The following CTNNA3 variants were observed in gnomAD, a reference collection of about 807,000 sequenced individuals.
The protein encoded by CTNNA3 is catenin alpha 3, also known as catenin alpha-3.
A neutral mutation model predicts 95.7 loss-of-function variants in CTNNA3; 76 were observed. The ratio of observed to expected loss-of-function variants is 0.79; its 90% CI spans 0.66 to 0.96. The LOEUF is 0.96. Among genes scored for constraint, CTNNA3 ranks in the 40% least tolerant of loss-of-function variants. The pLI is 0.00. For missense variants in CTNNA3, 1,191 were observed against 1,089.8 expected, an observed-to-expected ratio of 1.09 and a Z score of -1.31; for synonymous variants, 431 against 374.4, an observed-to-expected ratio of 1.15 and a Z score of -1.74.
intron 13 of CTNNA3, among the ~76,000 whole-genome samples, chr10:66,185,554 A>G (rs553756493): frequency 6.6e-6 from 1 of 152,068 alleles, no homozygotes; most frequent in Non-Finnish European, 1.5e-5. Flanking sequence ...TGAAAATATC[A>G]AGATTTCAGT....
intron 12 of CTNNA3, among the ~76,000 whole-genome samples, chr10:66,373,810 G>A (rs147301256): frequency 3.4e-4 from 52 of 152,290 alleles, no homozygotes; most frequent in African/African-American, 1.2e-3. Context: ...GTTCAATGAT[G>A]GTTCTTGTAA....
intron 1 of CTNNA3, among the ~76,000 whole-genome samples, chr10:67,721,706 G>A (rs766789919): frequency 7.9e-5 from 12 of 152,030 alleles, no homozygotes; most frequent in Non-Finnish European, 1.5e-4. Flanking sequence ...TTTTGCTGGC[G>A]AGGAGTTGTG....
Position 67,180,535 on chromosome 10 carries a change from C to T in CTNNA3, c.844-15G>A, listed in dbSNP as rs201089736. On this transcript the variant is annotated splice_polypyrimidine_tract_variant and intron_variant, in intron 6 of 17. Transcript: ENST00000433211. ...ACAATTAAATTCTAAGAGAAGAACA[C>T]ATTTGTATGGTTAGAGCTCCATGGC... is the stretch of plus-strand genomic sequence containing the variant. 2,522 of 1,592,080 alleles carry T rather than the reference C, an allele frequency of 1.6e-3. 3 individuals are homozygous for T. The highest frequency in any genetic ancestry group is 1.9e-3 in the Non-Finnish European group (2,240 of 1,160,338).
At chr10:67,363,719 T>A (rs1365265496) in intron 5 of CTNNA3, among the ~76,000 whole-genome samples, 1 of 151,740 alleles carries the variant, frequency 6.6e-6, no homozygotes, top group East Asian at 1.9e-4. Context: ...AACTAGAAAA[T>A]CTAGAAAAAA....
chr10:67,369,810 A>T (rs74575875), intron 5 of CTNNA3, among the ~76,000 whole-genome samples: 11,514 of 152,220 alleles, frequency 0.076, 694 homozygotes, highest in East Asian at 0.24. Flanking sequence ...AGTTAAAGAC[A>T]CTGTTAGTTA....
At chr10:66,969,700 G>A (rs889226122) in intron 7 of CTNNA3, among the ~76,000 whole-genome samples, 2 of 152,086 alleles carry the variant, frequency 1.3e-5, no homozygotes, top group Non-Finnish European at 2.9e-5. Flanking sequence ...GGTCAAAGCT[G>A]ATATACTTCA....
At chr10:67,701,273 A>C (rs1185231885) in intron 1 of CTNNA3, among the ~76,000 whole-genome samples, 1 of 152,172 alleles carries the variant, frequency 6.6e-6, no homozygotes, top group Non-Finnish European at 1.5e-5. Flanking sequence ...AAATACAGAG[A>C]ATGTCACAAA....
intron 5 of CTNNA3, among the ~76,000 whole-genome samples, chr10:67,237,537 T>C (rs1269083055): frequency 6.6e-6 from 1 of 151,854 alleles, no homozygotes; most frequent in Non-Finnish European, 1.5e-5. Flanking sequence ...TTATGGAAAT[T>C]TTTTTAAAAA....
intron 13 of CTNNA3, among the ~76,000 whole-genome samples, chr10:66,122,832 A>G (rs2082640865): frequency 6.6e-6 from 1 of 152,162 alleles, no homozygotes; most frequent in African/African-American, 2.4e-5. Flanking sequence ...TCTTTTTAAA[A>G]CCATCAGATC....
At chr10:67,087,133 G>A (rs1053045661) in intron 7 of CTNNA3, among the ~76,000 whole-genome samples, 5 of 152,104 alleles carry the variant, frequency 3.3e-5, no homozygotes, top group African/African-American at 9.6e-5. Flanking sequence ...GCAGGCACTG[G>A]GCTGTGCAGA....
intron 7 of CTNNA3, among the ~76,000 whole-genome samples, chr10:67,114,659 T>G (rs182969476): frequency 6.6e-6 from 1 of 151,360 alleles, no homozygotes; most frequent in Admixed American, 6.6e-5. Flanking sequence ...TCCTAAGTAC[T>G]TAAAGATATA....
intron 9 of CTNNA3, among the ~76,000 whole-genome samples, chr10:66,668,672 T>G (rs7922530): frequency 0.17 from 25,595 of 151,626 alleles, 3,307 homozygotes; most frequent in African/African-American, 0.34. Flanking sequence ...ATTAACCGGG[T>G]GTGGTGGTGC....
chr10:67,231,941 T>G lies in CTNNA3; in HGVS notation c.580-12071A>C, dbSNP rs544781025. Among the ~76,000 whole-genome samples the G allele has an allele frequency of 2.2e-3, 340 of 151,944 alleles. 3 individuals carry two copies. The highest frequency in any genetic ancestry group is 7.8e-3 in the African/African-American group (324 of 41,426). ...GGAAGATGAAATGAATGAAATGAAG[T>G]GAGAAGGGAAGTTTAGACAAAAAAG... On this transcript the variant is annotated intron_variant, in intron 5 of 17. Coordinates refer to ENST00000433211, the MANE Select transcript of CTNNA3 (RefSeq NM_013266.4).
At chr10:67,342,032 C>T (rs950336617) in intron 5 of CTNNA3, among the ~76,000 whole-genome samples, 3 of 149,430 alleles carry the variant, frequency 2.0e-5, no homozygotes, top group Non-Finnish European at 4.4e-5. Context: ...ATAGCTATTC[C>T]AGTTTTCTTT....
At chr10:66,558,339 T>G (rs1842453098) in intron 10 of CTNNA3, among the ~76,000 whole-genome samples, 1 of 152,140 alleles carries the variant, frequency 6.6e-6, no homozygotes, top group Non-Finnish European at 1.5e-5. Flanking sequence ...TTTAAATGTC[T>G]TTCTTTCCTA....
At chr10:67,209,811 AT>A (rs909398583) in intron 6 of CTNNA3, among the ~76,000 whole-genome samples, 3 of 152,012 alleles carry the variant, frequency 2.0e-5, no homozygotes, top group African/African-American at 7.2e-5. Flanking sequence ...ACTAACACCT[AT>A]TTTTTAAAAT....
rs1340091891 is a variant in CTNNA3 at position 66,634,398 on chromosome 10, G to A, written c.1282-12614C>T. On this transcript the variant is annotated intron_variant, in intron 9 of 17. Transcript: ENST00000433211. ...ATTTAAAATGATGATTCACAAAAAT[G>A]ATTGAGAATTCACAGTAGGGAAACA... 3.9e-5 allele frequency among the ~76,000 whole-genome samples: 6 copies of A among 152,062 alleles called. 1 individual carries two copies. Among genetic ancestry groups the A allele is most frequent in the Non-Finnish European group, 8.8e-5 (6 of 67,994 alleles).
chr10:67,116,922 A>G (rs1859219597), intron 7 of CTNNA3, among the ~76,000 whole-genome samples: 1 of 151,740 alleles, frequency 6.6e-6, no homozygotes, highest in Admixed American at 6.6e-5. Context: ...CATGCATTCA[A>G]TAATATTTAT....
At chr10:67,689,733 G>C (rs1684706711) in intron 1 of CTNNA3, among the ~76,000 whole-genome samples, 1 of 152,212 alleles carries the variant, frequency 6.6e-6, no homozygotes, top group African/African-American at 2.4e-5. Flanking sequence ...GCTGGCTCCA[G>C]GCAAACCAAC....
Sources: allele counts gnomAD v4.1 joint callset (sites outside exome capture counted in the v4.1 genomes callset), GRCh38; gene constraint gnomAD v4.1.1; transcripts MANE v1.5; gene names NCBI Gene and HGNC (gene_info 2026-07-23, HGNC 2026-07-21).